ROBO1: variants seen among roughly 807,000 people sequenced by gnomAD.
ROBO1 encodes the protein roundabout homolog 1.
ROBO1 carries 149 observed loss-of-function variants against 195.9 expected under a neutral mutation model. That is an observed-to-expected ratio of 0.76 (90% CI 0.67 to 0.87). ROBO1 has a LOEUF of 0.87. Ranked by LOEUF, ROBO1 falls within the 40% of genes least tolerant of loss-of-function variation. The pLI, the probability that ROBO1 is intolerant of heterozygous loss-of-function variation, is 0.00. For synonymous variants in ROBO1, 816 were observed against 733.2 expected (o/e 1.11, Z -1.82); for missense variants, 1,933 against 2,068.3 (o/e 0.93, Z 1.27).
intron 3 of ROBO1, among the ~76,000 whole-genome samples, chr3:78,945,018 G>A (rs539255521): frequency 7.9e-5 from 12 of 152,282 alleles, no homozygotes; most frequent in East Asian, 5.8e-4. Context: ...CAAAGCTACC[G>A]GGAAGCTCAA....
chr3:78,641,465 A>G (rs2107568330), intron 21 of ROBO1, among the ~76,000 whole-genome samples: 1 of 152,356 alleles, frequency 6.6e-6, no homozygotes, highest in Non-Finnish European at 1.5e-5. Flanking sequence ...TTGTTGATAA[A>G]TCGTGATTTG....
At chr3:78,952,425 G>A (rs916749500) in intron 3 of ROBO1, among the ~76,000 whole-genome samples, 3 of 151,202 alleles carry the variant, frequency 2.0e-5, no homozygotes, top group Non-Finnish European at 3.0e-5. Flanking sequence ...AAAGAGCCTT[G>A]CTGCTTAACA....
At chr3:78,684,784 TATTG>T (rs1292352737) in intron 10 of ROBO1, among the ~76,000 whole-genome samples, 2 of 152,168 alleles carry the variant, frequency 1.3e-5, no homozygotes, top group Non-Finnish European at 2.9e-5. Context: ...ACTGCTATTA[TATTG>T]ATTATTTGAG....
chr3:79,508,953 A>C (rs1940554459), intron 2 of ROBO1, among the ~76,000 whole-genome samples: 1 of 152,328 alleles, frequency 6.6e-6, no homozygotes, highest in East Asian at 1.9e-4. Flanking sequence ...TAAGTCTTAT[A>C]GAAATAACAC....
At position 79,467,429 on chromosome 3, in the gene ROBO1, T is replaced by C. The variant is rs201634794; in HGVS notation, c.88+122395A>G. 3.3e-5 allele frequency among the ~76,000 whole-genome samples: 5 copies of C among 151,308 alleles called. No individual in the cohort carries two copies. In the East Asian group the frequency reaches 1.0e-3, roughly 30 times the overall value. On this transcript the variant is annotated intron_variant, in intron 2 of 30. Transcript: ENST00000464233. ...TGGCCCTCCACAAACCCCTCTCCCA[T>C]ACCCACATAAACCCCAAACACCAGG...
At chr3:78,653,028 A>T (rs1445193640) in intron 18 of ROBO1, among the ~76,000 whole-genome samples, 4 of 152,184 alleles carry the variant, frequency 2.6e-5, no homozygotes, top group Admixed American at 1.3e-4. Context: ...TGAAACAAGA[A>T]GGTGTTGGCC....
intron 2 of ROBO1, among the ~76,000 whole-genome samples, chr3:79,466,425 T>C (rs1937962151): frequency 6.6e-6 from 1 of 152,196 alleles, no homozygotes; most frequent in African/African-American, 2.4e-5. Context: ...GATTGTCCCT[T>C]TTAATTCGAA....
intron 2 of ROBO1, among the ~76,000 whole-genome samples, chr3:79,361,491 A>C (rs970960934): frequency 2.0e-5 from 3 of 152,108 alleles, no homozygotes; most frequent in African/African-American, 7.2e-5. Flanking sequence ...CTCACGATTT[A>C]ATACCAGCAA....
At chr3:79,620,328 T>C (rs1231338213) in intron 1 of ROBO1, among the ~76,000 whole-genome samples, 1 of 152,124 alleles carries the variant, frequency 6.6e-6, no homozygotes, top group African/African-American at 2.4e-5. Flanking sequence ...TCCTGGACCA[T>C]CACAGACACT....
chr3:78,881,592 G>A (rs1422134556), intron 4 of ROBO1, among the ~76,000 whole-genome samples: 1 of 152,036 alleles, frequency 6.6e-6, no homozygotes, highest in African/African-American at 2.4e-5. Context: ...ACTATGATGA[G>A]CTAATTTCCC....
chr3:78,883,638 G>T (rs1417832938), intron 4 of ROBO1, among the ~76,000 whole-genome samples: 1 of 152,104 alleles, frequency 6.6e-6, no homozygotes, highest in Non-Finnish European at 1.5e-5. Flanking sequence ...GAGATTATAG[G>T]CATGAGCTAC....
intron 4 of ROBO1, among the ~76,000 whole-genome samples, chr3:78,854,726 A>T (rs1476746950): frequency 6.6e-6 from 1 of 152,060 alleles, no homozygotes; most frequent in Non-Finnish European, 1.5e-5. Flanking sequence ...AAATATTAAA[A>T]TTTTTCCAAG....
intron 8 of ROBO1, among the ~76,000 whole-genome samples, chr3:78,697,886 T>C (rs553678433): frequency 7.4e-4 from 112 of 152,322 alleles, no homozygotes; most frequent in African/African-American, 2.6e-3. Context: ...GCATCTACAA[T>C]AGGACCAATC....
chr3:78,915,176 T>C (rs1168112287), intron 4 of ROBO1, among the ~76,000 whole-genome samples: 1 of 152,090 alleles, frequency 6.6e-6, no homozygotes, highest in Non-Finnish European at 1.5e-5. Flanking sequence ...GGAAACACAA[T>C]GCTCAAATAT....
chr3:79,096,526 C>T (rs2079569594), intron 3 of ROBO1, among the ~76,000 whole-genome samples: 1 of 151,454 alleles, frequency 6.6e-6, no homozygotes, highest in Non-Finnish European at 1.5e-5. Context: ...AGTATTCTAA[C>T]AAAAGAATTA....
intron 2 of ROBO1, among the ~76,000 whole-genome samples, chr3:79,253,744 AAG>A (rs929181344): frequency 6.6e-6 from 1 of 152,226 alleles, no homozygotes; most frequent in Non-Finnish European, 1.5e-5. Flanking sequence ...GAAGGAGGAA[AAG>A]AGAGAGAGTA....
At chr3:79,537,783 A>C (rs568576075) in intron 2 of ROBO1, among the ~76,000 whole-genome samples, 1 of 152,154 alleles carries the variant, frequency 6.6e-6, no homozygotes, top group Non-Finnish European at 1.5e-5. Flanking sequence ...CAGCTAATGC[A>C]TGTGGGGCTT....
intron 3 of ROBO1, among the ~76,000 whole-genome samples, chr3:79,001,293 T>C (rs2077498944): frequency 6.6e-6 from 1 of 151,924 alleles, no homozygotes; most frequent in South Asian, 2.1e-4. Context: ...TAAAATTAAA[T>C]AAATAAATAA....
intron 2 of ROBO1, among the ~76,000 whole-genome samples, chr3:79,212,404 T>C (rs1197032877): frequency 6.6e-6 from 1 of 152,246 alleles, no homozygotes; most frequent in Non-Finnish European, 1.5e-5. Flanking sequence ...TGCATTTAAT[T>C]AGATACACAA....
Sources: allele counts gnomAD v4.1 joint callset (sites outside exome capture counted in the v4.1 genomes callset), GRCh38; gene constraint gnomAD v4.1.1; transcripts MANE v1.5; gene names NCBI Gene and HGNC (gene_info 2026-07-23, HGNC 2026-07-21).